The following SPINK13 variants were observed in gnomAD, a reference collection of about 807,000 sequenced individuals.
SPINK13 encodes serine protease inhibitor Kazal-type 13.
In SPINK13, 11 loss-of-function variants were observed where a neutral mutation model predicts 11.0. The observed-to-expected ratio is 1.00, with a 90% CI of 0.63 to 1.65. The LOEUF (loss-of-function observed/expected upper bound fraction) is 1.65. Ranked by LOEUF, SPINK13 falls within the 40% of genes most tolerant of loss-of-function variation. SPINK13 has a pLI of 0.00. For missense variants in SPINK13, 113 were observed against 117.7 expected (o/e 0.96, Z 0.19); for synonymous variants, 31 against 35.6 (o/e 0.87, Z 0.46).
chr5:148,274,866 T>G (rs1052925516), intron 3 of SPINK13, among the ~76,000 whole-genome samples: 1 of 152,194 alleles, frequency 6.6e-6, no homozygotes, highest in Non-Finnish European at 1.5e-5. Flanking sequence ...AAATATAATA[T>G]TTTAGTAAAA....
intron 3 of SPINK13, among the ~76,000 whole-genome samples, chr5:148,278,336 T>C (rs1394502736): frequency 6.6e-6 from 1 of 152,178 alleles, no homozygotes; most frequent in Non-Finnish European, 1.5e-5. Flanking sequence ...TGCTCTTGCT[T>C]CTCTAGTTCT....
intron 3 of SPINK13, among the ~76,000 whole-genome samples, chr5:148,276,337 T>C (rs1293926707): frequency 1.3e-5 from 2 of 152,214 alleles, no homozygotes; most frequent in Non-Finnish European, 2.9e-5. Context: ...TGTTGCCAAT[T>C]GCTTTTGGTG....
At chr5:148,271,263 C>T (rs558428712) in intron 2 of SPINK13, among the ~76,000 whole-genome samples, 2 of 152,042 alleles carry the variant, frequency 1.3e-5, no homozygotes, top group African/African-American at 2.4e-5. Flanking sequence ...TTTAAATATG[C>T]CTCAGTTGGA....
intron 3 of SPINK13, among the ~76,000 whole-genome samples, chr5:148,277,620 T>C (rs1208558705): frequency 6.6e-6 from 1 of 152,258 alleles, no homozygotes; most frequent in African/African-American, 2.4e-5. Flanking sequence ...ATCGCAAGGA[T>C]GAAGCCGACT....
chr5:148,270,413 T>C lies in SPINK13; in HGVS notation c.70+271T>C, dbSNP rs141454807. ...TGTGATTTTTTTATTGTAAGCAATA[T>C]ACAGTATAATTATTATTTTTCCTAG... On this transcript the variant is annotated intron_variant, in intron 2 of 4. Transcript: ENST00000398450. 4.9e-4 allele frequency among the ~76,000 whole-genome samples: 74 copies of C among 152,304 alleles called. 1 individual carries two copies. The highest frequency in any genetic ancestry group is 1.8e-3 in the African/African-American group (73 of 41,568).
At chr5:148,279,056 G>C (rs1227960020) in intron 3 of SPINK13, among the ~76,000 whole-genome samples, 1 of 133,946 alleles carries the variant, frequency 7.5e-6, no homozygotes, top group African/African-American at 2.8e-5. Context: ...TTGGTTTAAA[G>C]TCTGTTTTAT....
intron 3 of SPINK13, 35 bp downstream of exon 3, chr5:148,274,419 C>G (rs1401138201): frequency 6.5e-7 from 1 of 1,546,660 alleles, no homozygotes; most frequent in Non-Finnish European, 8.9e-7. Context: ...GGTTGTAATT[C>G]TAGTCTAATC....
chr5:148,269,985 C>A, intron 1 of SPINK13, 55 bp from the exon 2 acceptor site: 2 of 1,303,030 alleles, frequency 1.5e-6, no homozygotes, highest in Non-Finnish European at 2.2e-6. Flanking sequence ...TGTTCTCTCA[C>A]ATTGGAAAAG....
chr5:148,281,332 GA>G (rs149192775), intron 3 of SPINK13, among the ~76,000 whole-genome samples: 9 of 149,502 alleles, frequency 6.0e-5, no homozygotes, highest in Admixed American at 2.7e-4. Context: ...CCTGGGGTAT[GA>G]AAAAAAAAAC....
At chr5:148,270,446 G>T (rs539552925) in intron 2 of SPINK13, among the ~76,000 whole-genome samples, 3 of 152,024 alleles carry the variant, frequency 2.0e-5, no homozygotes, top group African/African-American at 7.2e-5. Flanking sequence ...TAGAAAAAAT[G>T]ATGCATTTTC....
At chr5:148,284,058 C>T (rs903343615) in intron 4 of SPINK13, among the ~76,000 whole-genome samples, 1 of 152,054 alleles carries the variant, frequency 6.6e-6, no homozygotes, top group Non-Finnish European at 1.5e-5. Flanking sequence ...ATCTCCTTGG[C>T]AAAAATGGGG....
At chr5:148,279,497 T>G (rs1472748745) in intron 3 of SPINK13, among the ~76,000 whole-genome samples, 1 of 152,146 alleles carries the variant, frequency 6.6e-6, no homozygotes, top group African/African-American at 2.4e-5. Flanking sequence ...TCCCTCAGCA[T>G]TTGCTTGTCT....
At position 148,270,141 on chromosome 5, in the gene SPINK13, AGGTG is replaced by A. The variant is rs1756329496; in HGVS notation, c.70_70+3del. The A allele has an allele frequency of 6.2e-7, 1 of 1,613,864 alleles. No individual in the cohort carries two copies. The highest frequency in any genetic ancestry group is 8.5e-7 in the Non-Finnish European group (1 of 1,179,890). ...CTACTTTGACACATGTGGCTTTCTC[AGGTG>A]AGTAACCTAAGAGGTTTTGGGAGAT... On this transcript the variant is annotated splice_donor_variant and splice_donor_region_variant and coding_sequence_variant and intron_variant, in exon 2 of 5. Transcript: ENST00000398450. LOFTEE classifies it high-confidence loss of function.
intron 3 of SPINK13, among the ~76,000 whole-genome samples, chr5:148,280,591 G>A (rs1756498012): frequency 6.6e-6 from 1 of 152,178 alleles, no homozygotes; most frequent in Non-Finnish European, 1.5e-5. Context: ...TCCAGCCCCT[G>A]TCTGGTTATC....
At chr5:148,279,590 G>C (rs181666560) in intron 3 of SPINK13, among the ~76,000 whole-genome samples, 2 of 152,272 alleles carry the variant, frequency 1.3e-5, no homozygotes, top group Non-Finnish European at 2.9e-5. Flanking sequence ...TTTTCTTTAA[G>C]AATGTTGAAC....
rs967221712 is a variant in SPINK13 at position 148,270,114 on chromosome 5, C to T, written c.42C>T (p.Cys14=). 6.2e-7 allele frequency: 1 copy of T among 1,614,050 alleles called. No homozygotes were observed. The highest frequency in any genetic ancestry group is 8.5e-7 in the Non-Finnish European group (1 of 1,179,942). ...ACAAGATTATATTTTTCCTGGTATG[C>T]TCTACTTTGACACATGTGGCTTTCT... ...FPHKIIFFLV[C]STLTHVAFSG... Residue 14 remains cysteine, a synonymous_variant, in exon 2 of 5, where the codon TGC becomes TGT. Transcript: ENST00000398450.
At chr5:148,278,989 G>T (rs530164240) in intron 3 of SPINK13, among the ~76,000 whole-genome samples, 2 of 149,572 alleles carry the variant, frequency 1.3e-5, no homozygotes, top group South Asian at 4.2e-4. Flanking sequence ...AGCTCTTCTT[G>T]TTGTATTGAT....
At chr5:148,276,068 A>G (rs1020215793) in intron 3 of SPINK13, among the ~76,000 whole-genome samples, 2 of 151,986 alleles carry the variant, frequency 1.3e-5, no homozygotes, top group African/African-American at 4.8e-5. Context: ...GCGTTTTTTC[A>G]TATGTTTGTT....
intron 3 of SPINK13, among the ~76,000 whole-genome samples, chr5:148,275,724 G>A (rs931472914): frequency 3.3e-5 from 5 of 150,736 alleles, no homozygotes; most frequent in Admixed American, 1.3e-4. Flanking sequence ...GCAATGGCGT[G>A]ATCTTGGCTC....
Sources: gnomAD v4.1 joint callset for allele counts (sites outside exome capture counted in the v4.1 genomes callset) on GRCh38, gnomAD v4.1.1 for gene constraint, MANE v1.5 for transcripts, NCBI Gene and HGNC (gene_info 2026-07-23, HGNC 2026-07-21) for gene names.